Variants in CEP112 observed in about 807,000 individuals in gnomAD.
CEP112 encodes centrosomal protein of 112 kDa.
Under a neutral mutation model 153.0 loss-of-function variants are expected in CEP112, and 127 were observed. That is an observed-to-expected ratio of 0.83 (90% confidence interval 0.72 to 0.96). The LOEUF is 0.96. CEP112 is among the 40% of genes least tolerant of loss of function. The pLI is 0.00. For synonymous variants in CEP112, 358 were observed against 374.4 expected, an observed-to-expected ratio of 0.96 and a Z score of 0.51; for missense variants, 1,089 against 1,101.2, an observed-to-expected ratio of 0.99 and a Z score of 0.16.
intron 4 of CEP112, among the ~76,000 whole-genome samples, chr17:66,134,922 A>C (rs1040830563): frequency 8.5e-5 from 13 of 152,148 alleles, no homozygotes; most frequent in African/African-American, 3.1e-4. Context: ...TGCCCATCCC[A>C]TACATGCTGT....
At chr17:66,081,221 T>C (rs2067703956) in intron 8 of CEP112, among the ~76,000 whole-genome samples, 2 of 152,088 alleles carry the variant, frequency 1.3e-5, no homozygotes, top group African/African-American at 4.8e-5. Context: ...GTTCTCTTCA[T>C]ATAAAGTTCA....
intron 4 of CEP112, among the ~76,000 whole-genome samples, chr17:66,141,666 TCAG>T (rs1156857120): frequency 6.6e-6 from 1 of 152,198 alleles, no homozygotes; most frequent in Non-Finnish European, 1.5e-5. Context: ...GCTATTTAAC[TCAG>T]CAAAAGTCCT....
intron 4 of CEP112, among the ~76,000 whole-genome samples, chr17:66,147,350 T>C (rs1410515454): frequency 2.0e-5 from 3 of 152,154 alleles, no homozygotes; most frequent in Non-Finnish European, 4.4e-5. Context: ...ATCTAGTTTT[T>C]TTTATTGTTG....
At chr17:65,670,488 C>T (rs1475720972) in intron 24 of CEP112, among the ~76,000 whole-genome samples, 5 of 151,964 alleles carry the variant, frequency 3.3e-5, no homozygotes, top group Non-Finnish European at 5.9e-5. Flanking sequence ...TGAATAACAA[C>T]AAGTGTCAAC....
chr17:66,099,828 C>T (rs2068494047), intron 6 of CEP112, among the ~76,000 whole-genome samples: 1 of 152,136 alleles, frequency 6.6e-6, no homozygotes, highest in Non-Finnish European at 1.5e-5. Context: ...AACAGTAATA[C>T]AGGCTTCCTT....
At chr17:66,130,359 T>G (rs2146526377) in intron 5 of CEP112, among the ~76,000 whole-genome samples, 1 of 152,310 alleles carries the variant, frequency 6.6e-6, no homozygotes. Context: ...AGATGAATTA[T>G]TCTCATAAAA....
chr17:65,678,817 A>G (rs1379751479), intron 24 of CEP112, among the ~76,000 whole-genome samples: 1 of 152,240 alleles, frequency 6.6e-6, no homozygotes, highest in Non-Finnish European at 1.5e-5. Flanking sequence ...ACATGCAGCA[A>G]GCACATAGAG....
In CEP112 at chr17:66,175,092, G is replaced by C; in HGVS notation, c.422C>G (p.Ser141Cys). ...EHKLNESWKL[S>C]SGEDNTLVQS... ...TACTAAAGTGTTATCTTCTCCAGAA[G>C]AGAGTTTCCATGATTCATTTAATTT... is the stretch of plus-strand genomic sequence containing the variant. Residue 141 changes from serine to cysteine, a missense_variant, in exon 4 of 27, where the codon TCT becomes TGT. Coordinates refer to ENST00000535342, the MANE Select transcript of CEP112 (RefSeq NM_001199165.4). The C allele has an allele frequency of 6.2e-7, 1 of 1,612,894 alleles. No individual in the cohort carries two copies. The highest frequency in any genetic ancestry group is 8.5e-7 in the Non-Finnish European group (1 of 1,179,468).
At chr17:65,996,219 T>C (rs2063786920) in intron 17 of CEP112, among the ~76,000 whole-genome samples, 1 of 152,016 alleles carries the variant, frequency 6.6e-6, no homozygotes, top group Admixed American at 6.6e-5. Context: ...TCATTATATT[T>C]GTATCTTTAT....
chr17:66,082,781 TTA>T (rs1434353632), intron 8 of CEP112, among the ~76,000 whole-genome samples: 1 of 151,674 alleles, frequency 6.6e-6, no homozygotes, highest in Admixed American at 6.6e-5. Flanking sequence ...AAAAAAATTT[TTA>T]TATGTGTATC....
intron 12 of CEP112, among the ~76,000 whole-genome samples, chr17:66,044,144 A>G (rs2066101869): frequency 6.6e-6 from 1 of 152,188 alleles, no homozygotes; most frequent in African/African-American, 2.4e-5. Flanking sequence ...TCTTGGCTCC[A>G]AAGCATGACT....
At chr17:66,004,256 C>T (rs558905162) in intron 17 of CEP112, among the ~76,000 whole-genome samples, 19 of 151,822 alleles carry the variant, frequency 1.3e-4, no homozygotes, top group African/African-American at 3.1e-4. Context: ...CCGAGGCGGG[C>T]GGATCACGAG....
chr17:66,122,326 T>C (rs983921248), intron 6 of CEP112, among the ~76,000 whole-genome samples: 2 of 152,234 alleles, frequency 1.3e-5, no homozygotes, highest in African/African-American at 4.8e-5. Context: ...TTTTTCTCTG[T>C]ATAAGGGCCA....
At chr17:65,925,292 G>A (rs917343918) in intron 19 of CEP112, among the ~76,000 whole-genome samples, 1 of 152,212 alleles carries the variant, frequency 6.6e-6, no homozygotes, top group African/African-American at 2.4e-5. Flanking sequence ...CCTCAGCCAT[G>A]TGGAACTGTG....
intron 21 of CEP112, among the ~76,000 whole-genome samples, chr17:65,768,623 C>A (rs1216835740): frequency 1.3e-5 from 2 of 151,850 alleles, no homozygotes; most frequent in African/African-American, 4.8e-5. Flanking sequence ...GGGTTTTACC[C>A]CTGACATGCA....
At chr17:65,962,139 T>C (rs1466108024) in intron 17 of CEP112, among the ~76,000 whole-genome samples, 1 of 152,148 alleles carries the variant, frequency 6.6e-6, no homozygotes, top group Admixed American at 6.5e-5. Flanking sequence ...CCAAGGGATA[T>C]GAAATGAGGA....
intron 17 of CEP112, among the ~76,000 whole-genome samples, chr17:65,962,837 C>T (rs191219660): frequency 1.2e-4 from 18 of 152,284 alleles, no homozygotes; most frequent in East Asian, 1.9e-4. Context: ...CCTTGCCTTC[C>T]GCCATGATTG....
intron 23 of CEP112, among the ~76,000 whole-genome samples, chr17:65,712,448 A>G (rs1362938839): frequency 6.6e-6 from 1 of 151,508 alleles, no homozygotes; most frequent in Non-Finnish European, 1.5e-5. Context: ...ATGACGGCTA[A>G]CATTGCTTAT....
At chr17:65,699,941 T>G (rs1437256755) in intron 23 of CEP112, among the ~76,000 whole-genome samples, 1 of 152,206 alleles carries the variant, frequency 6.6e-6, no homozygotes, top group African/African-American at 2.4e-5. Flanking sequence ...ATTCTCTTAC[T>G]GATGATCCAG....
Sources: gnomAD v4.1 joint callset for allele counts (sites outside exome capture counted in the v4.1 genomes callset) on GRCh38, gnomAD v4.1.1 for gene constraint, MANE v1.5 for transcripts, NCBI Gene and HGNC (gene_info 2026-07-23, HGNC 2026-07-21) for gene names.